Variants in ITFG1 observed in about 807,000 individuals in gnomAD.
ITFG1 encodes T-cell immunomodulatory protein.
In ITFG1, 34 loss-of-function variants were observed where a neutral mutation model predicts 81.8. The ratio of observed to expected loss-of-function variants is 0.42; its 90% CI spans 0.32 to 0.55. ITFG1 has a LOEUF of 0.55. ITFG1 is among the 20% of genes least tolerant of loss of function. The pLI, the probability that ITFG1 is intolerant of heterozygous loss-of-function variation, is 0.17. For synonymous variants in ITFG1, 285 were observed against 270.6 expected (o/e 1.05, Z -0.52); for missense variants, 672 against 755.4 (o/e 0.89, Z 1.29).
At chr16:47,247,707 C>T (rs970300718) in intron 12 of ITFG1, among the ~76,000 whole-genome samples, 1 of 152,032 alleles carries the variant, frequency 6.6e-6, no homozygotes, top group Non-Finnish European at 1.5e-5. Context: ...AACCTCTAAA[C>T]TGGAGTTTTT....
At chr16:47,232,181 A>AC (rs1965822923) in intron 13 of ITFG1, among the ~76,000 whole-genome samples, 1 of 152,244 alleles carries the variant, frequency 6.6e-6, no homozygotes, top group Non-Finnish European at 1.5e-5. Flanking sequence ...CTAGAACTGT[A>AC]AGAGAATAAA....
chr16:47,312,149 AT>A (rs1967275238), intron 9 of ITFG1: 3 of 152,220 alleles, frequency 2.0e-5, no homozygotes, highest in Admixed American at 1.3e-4. Context: ...TCAGATTAAC[AT>A]AAATCTTCAC....
chr16:47,256,617 G>C (rs1207573860), intron 12 of ITFG1, among the ~76,000 whole-genome samples: 1 of 152,166 alleles, frequency 6.6e-6, no homozygotes, highest in East Asian at 1.9e-4. Flanking sequence ...TGGCAAAAGA[G>C]AGGACATGGA....
intron 14 of ITFG1, among the ~76,000 whole-genome samples, chr16:47,187,113 G>T (rs940134156): frequency 6.6e-6 from 1 of 152,030 alleles, no homozygotes; most frequent in Non-Finnish European, 1.5e-5. Context: ...AATAAAAGAG[G>T]ATACAAACAA....
chr16:47,176,126 T>C (rs1965021387), intron 14 of ITFG1, among the ~76,000 whole-genome samples: 1 of 152,150 alleles, frequency 6.6e-6, no homozygotes, highest in Non-Finnish European at 1.5e-5. Flanking sequence ...AGGGTAAGAA[T>C]ATGAAAAAGA....
chr16:47,426,474 T>C (rs980719994), intron 6 of ITFG1: 3 of 150,128 alleles, frequency 2.0e-5, no homozygotes, highest in South Asian at 2.1e-4. Context: ...ACAACTTCCA[T>C]TGCAATGTAG....
At chr16:47,313,404 C>T (rs908584403) in intron 9 of ITFG1, among the ~76,000 whole-genome samples, 29 of 152,012 alleles carry the variant, frequency 1.9e-4, no homozygotes, top group African/African-American at 5.3e-4. Context: ...AGATCAGTTT[C>T]GAAAATAGAT....
chr16:47,309,628 A>T (rs1967226115), intron 10 of ITFG1, among the ~76,000 whole-genome samples: 1 of 152,214 alleles, frequency 6.6e-6, no homozygotes, highest in African/African-American at 2.4e-5. Flanking sequence ...ATTCTCATCC[A>T]TCTTAAAAGA....
At chr16:47,391,034 G>C (rs1352562835) in intron 6 of ITFG1, among the ~76,000 whole-genome samples, 2 of 151,980 alleles carry the variant, frequency 1.3e-5, no homozygotes, top group Non-Finnish European at 2.9e-5. Flanking sequence ...CGAGCCTGTA[G>C]AGAATCTTAG....
At chr16:47,282,937 T>G (rs901354232) in intron 10 of ITFG1, among the ~76,000 whole-genome samples, 2 of 152,124 alleles carry the variant, frequency 1.3e-5, no homozygotes, top group South Asian at 4.1e-4. Context: ...TGGGGTTGCT[T>G]TTTTTTCTTG....
chr16:47,397,195 C>T (rs1033578684), intron 6 of ITFG1, among the ~76,000 whole-genome samples: 3 of 151,990 alleles, frequency 2.0e-5, no homozygotes, highest in African/African-American at 7.3e-5. Context: ...GAGGCAGCTA[C>T]GGGGGATGCT....
intron 10 of ITFG1, among the ~76,000 whole-genome samples, chr16:47,262,516 T>G (rs1257034815): frequency 6.6e-6 from 1 of 152,236 alleles, no homozygotes; most frequent in Non-Finnish European, 1.5e-5. Flanking sequence ...TTCTACAGTA[T>G]TCTATAATCT....
intron 8 of ITFG1, among the ~76,000 whole-genome samples, chr16:47,321,016 C>CTA: frequency 6.6e-6 from 1 of 152,168 alleles, no homozygotes; most frequent in East Asian, 1.9e-4. Context: ...ATCTGGAACT[C>CTA]TGAGTTCAAA....
chr16:47,277,540 C>T (rs1285424190), intron 10 of ITFG1, among the ~76,000 whole-genome samples: 1 of 152,168 alleles, frequency 6.6e-6, no homozygotes, highest in Non-Finnish European at 1.5e-5. Context: ...CAGCAGAGTT[C>T]AAACTGGTAC....
intron 10 of ITFG1, among the ~76,000 whole-genome samples, chr16:47,305,863 T>G (rs959753166): frequency 2.0e-5 from 3 of 152,188 alleles, no homozygotes; most frequent in Admixed American, 6.5e-5. Context: ...CAGATAGAAT[T>G]ACTTGATAAT....
At chr16:47,346,661 T>C (rs1253353733) in intron 8 of ITFG1, among the ~76,000 whole-genome samples, 2 of 152,196 alleles carry the variant, frequency 1.3e-5, no homozygotes, top group African/African-American at 4.8e-5. Context: ...CTGGAAAATC[T>C]AGAAGACACT....
intron 10 of ITFG1, among the ~76,000 whole-genome samples, chr16:47,300,393 T>G (rs1483983646): frequency 6.6e-6 from 1 of 152,218 alleles, no homozygotes. Flanking sequence ...AACGGTGTGT[T>G]GGAGACCTCT....
intron 12 of ITFG1, among the ~76,000 whole-genome samples, chr16:47,245,740 G>A (rs563778985): frequency 1.4e-4 from 22 of 152,102 alleles, no homozygotes; most frequent in African/African-American, 4.8e-4. Context: ...TAAGTGCCAA[G>A]CTGTGAACAC....
At chr16:47,439,686 C>T (rs1162970957) in intron 5 of ITFG1, among the ~76,000 whole-genome samples, 1 of 152,150 alleles carries the variant, frequency 6.6e-6, no homozygotes, top group Non-Finnish European at 1.5e-5. Context: ...CTGAAGGAAG[C>T]ACTAAACATG....
Sources: gnomAD v4.1 joint callset for allele counts (sites outside exome capture counted in the v4.1 genomes callset) on GRCh38, gnomAD v4.1.1 for gene constraint, MANE v1.5 for transcripts, NCBI Gene and HGNC (gene_info 2026-07-23, HGNC 2026-07-21) for gene names.